The following NFIA variants were observed in gnomAD, a reference collection of about 807,000 sequenced individuals.
NFIA encodes the protein nuclear factor I A.
Under a neutral mutation model 62.8 loss-of-function variants are expected in NFIA, and 8 were observed. The ratio of observed to expected loss-of-function variants is 0.13; its 90% CI spans 0.07 to 0.23. NFIA has a LOEUF of 0.23. NFIA is among the 10% of genes least tolerant of loss of function. The probability of loss-of-function intolerance (pLI) is 1.00; values close to 1 mark genes in which losing one functional copy is unlikely to be tolerated. For synonymous variants in NFIA, 235 were observed against 238.1 expected (o/e 0.99, Z 0.12); for missense variants, 410 against 642.1 (o/e 0.64, Z 3.91).
intron 3 of NFIA, among the ~76,000 whole-genome samples, chr1:61,320,440 G>C (rs529389600): frequency 3.0e-4 from 45 of 152,248 alleles, no homozygotes; most frequent in African/African-American, 1.1e-3. Context: ...AATGACTTTT[G>C]AAAAGATGAA....
At chr1:61,306,035 A>C (rs1659759630) in intron 3 of NFIA, among the ~76,000 whole-genome samples, 1 of 150,770 alleles carries the variant, frequency 6.6e-6, no homozygotes, top group South Asian at 2.1e-4. Flanking sequence ...ATTTTTTATT[A>C]GAGACAGAGT....
chr1:61,380,038 A>G (rs912485775), intron 6 of NFIA, among the ~76,000 whole-genome samples: 3 of 150,918 alleles, frequency 2.0e-5, no homozygotes, highest in Non-Finnish European at 4.5e-5. Flanking sequence ...AATGACTCAT[A>G]TAGCTTAGAA....
At chr1:61,133,597 G>T (rs774680832) in intron 2 of NFIA, among the ~76,000 whole-genome samples, 39 of 152,180 alleles carry the variant, frequency 2.6e-4, no homozygotes, top group Non-Finnish European at 4.7e-4. Context: ...GGTACCATTA[G>T]ACTAGAATTC....
intron 2 of NFIA, among the ~76,000 whole-genome samples, chr1:61,208,149 G>A (rs1490161104): frequency 1.3e-5 from 2 of 152,040 alleles, no homozygotes; most frequent in African/African-American, 4.8e-5. Context: ...AGATCACTTA[G>A]GTGAACCGTT....
chr1:61,247,082 T>C (rs1655692214), intron 2 of NFIA, among the ~76,000 whole-genome samples: 1 of 152,224 alleles, frequency 6.6e-6, no homozygotes, highest in South Asian at 2.1e-4. Flanking sequence ...GTTTTTGCAT[T>C]CATTCTTCCA....
At chr1:61,091,676 C>T (rs1468428608) in intron 2 of NFIA, among the ~76,000 whole-genome samples, 5 of 152,098 alleles carry the variant, frequency 3.3e-5, no homozygotes, top group Non-Finnish European at 7.4e-5. Context: ...TAATTTATGA[C>T]CAGTCTTTAC....
chr1:61,413,106 A>G (rs1666177965), intron 9 of NFIA, among the ~76,000 whole-genome samples: 1 of 152,198 alleles, frequency 6.6e-6, no homozygotes, highest in Non-Finnish European at 1.5e-5. Flanking sequence ...ACCTATCAAT[A>G]TGTTTCTCCA....
chr1:61,410,049 T>C (rs1412448371), intron 9 of NFIA, among the ~76,000 whole-genome samples: 2 of 152,122 alleles, frequency 1.3e-5, no homozygotes, highest in Admixed American at 6.5e-5. Flanking sequence ...GCTGTGTTAG[T>C]GTGTGGGATT....
At chr1:61,309,268 C>CATGTTAGTCCTGT (rs575179017) in intron 3 of NFIA, among the ~76,000 whole-genome samples, 1 of 152,056 alleles carries the variant, frequency 6.6e-6, no homozygotes, top group Non-Finnish European at 1.5e-5. Flanking sequence ...GTGTGTCCTA[C>CATGTTAGTCCTGT]GAATCTTGGA....
chr1:61,165,969 A>C (rs1649540056), intron 2 of NFIA, among the ~76,000 whole-genome samples: 1 of 152,220 alleles, frequency 6.6e-6, no homozygotes, highest in Non-Finnish European at 1.5e-5. Context: ...AAACTGTTTT[A>C]TTAGGGAAGA....
intron 2 of NFIA, among the ~76,000 whole-genome samples, chr1:61,153,834 A>G (rs571256649): frequency 1.3e-5 from 2 of 152,298 alleles, no homozygotes; most frequent in Admixed American, 1.3e-4. Flanking sequence ...ATGTCTTTTC[A>G]GTTGTCTCCT....
chr1:61,186,807 G>A (rs1054108664), intron 2 of NFIA, among the ~76,000 whole-genome samples: 11 of 152,168 alleles, frequency 7.2e-5, no homozygotes, highest in African/African-American at 2.7e-4. Flanking sequence ...GCAACCTTAT[G>A]AAACAGTACT....
At chr1:61,383,096 A>G (rs1388337614) in intron 6 of NFIA, 141 bp from the exon 7 acceptor site, 4 of 1,053,396 alleles carry the variant, frequency 3.8e-6, no homozygotes, top group African/African-American at 3.2e-5. Context: ...GACAAATGCA[A>G]AGCAATTCAC....
chr1:61,218,853 CTG>C (rs1249815472), intron 2 of NFIA, among the ~76,000 whole-genome samples: 6 of 152,166 alleles, frequency 3.9e-5, no homozygotes, highest in Non-Finnish European at 7.4e-5. Flanking sequence ...TCAAACATGA[CTG>C]TGTACTTATA....
chr1:61,137,700 C>T (rs1336991841), intron 2 of NFIA, among the ~76,000 whole-genome samples: 1 of 152,100 alleles, frequency 6.6e-6, no homozygotes, highest in Non-Finnish European at 1.5e-5. Flanking sequence ...GCACTAAAGA[C>T]CTCTGCTTTA....
chr1:61,278,889 C>T (rs1367228941), intron 3 of NFIA, among the ~76,000 whole-genome samples: 2 of 152,146 alleles, frequency 1.3e-5, no homozygotes, highest in Non-Finnish European at 2.9e-5. Context: ...TTTAACCTCT[C>T]AGAGTATTGA....
intron 8 of NFIA, among the ~76,000 whole-genome samples, chr1:61,406,208 A>G (rs980676187): frequency 2.0e-5 from 3 of 152,218 alleles, no homozygotes; most frequent in Non-Finnish European, 2.9e-5. Flanking sequence ...CAGTTAATAC[A>G]GAAAAATACA....
intron 2 of NFIA, among the ~76,000 whole-genome samples, chr1:61,093,737 A>C (rs1187270047): frequency 6.6e-6 from 1 of 152,192 alleles, no homozygotes; most frequent in Non-Finnish European, 1.5e-5. Context: ...TCTGGAGTAA[A>C]CCTTTGAATG....
intron 10 of NFIA, among the ~76,000 whole-genome samples, chr1:61,434,197 C>T (rs1667228971): frequency 6.6e-6 from 1 of 152,158 alleles, no homozygotes; most frequent in Non-Finnish European, 1.5e-5. Context: ...GAAGTGAATG[C>T]ACCCCTCAGA....
Sources: allele counts gnomAD v4.1 joint callset (sites outside exome capture counted in the v4.1 genomes callset), GRCh38; gene constraint gnomAD v4.1.1; transcripts MANE v1.5; gene names NCBI Gene and HGNC (gene_info 2026-07-23, HGNC 2026-07-21).